TYMS: variants seen among roughly 807,000 people sequenced by gnomAD.
The protein encoded by TYMS is thymidylate synthase.
Under a neutral mutation model 39.3 loss-of-function variants are expected in TYMS, and 21 were observed. That is an observed-to-expected ratio of 0.54 (90% confidence interval 0.38 to 0.77). The LOEUF is 0.77. Among genes scored for constraint, TYMS ranks in the 30% least tolerant of loss-of-function variants. The pLI, the probability that TYMS is intolerant of heterozygous loss-of-function variation, is 0.00. For synonymous variants in TYMS, 171 were observed against 162.2 expected (o/e 1.05, Z -0.41); for missense variants, 273 against 406.7 (o/e 0.67, Z 2.83).
chr18:671,200 G>A, intron 5 of TYMS, 180 bp from the exon 6 acceptor site: 4 of 622,750 alleles, frequency 6.4e-6, no homozygotes, highest in Non-Finnish European at 1.1e-5. Context: ...TTGAGGTCTG[G>A]AGTTCAATAC....
At position 667,017 on chromosome 18, in the gene TYMS, AGATGGAGATGGT is replaced by A. The variant is rs1170118319; in HGVS notation, c.455-2037_455-2026del. Among the ~76,000 whole-genome samples the A allele has an allele frequency of 3.7e-3, 17 of 4,580 alleles. 2 individuals are homozygous for A. Among genetic ancestry groups the A allele is most frequent in the East Asian group, 0.016 (3 of 184 alleles). The allele number at this position is 4,580 out of a possible 152,430, so 3.0% of individuals were successfully genotyped here. A position where few individuals can be genotyped will look rare whatever the true frequency, so the allele number is the denominator to read the frequency against. ...GTGATGGAGATGGTGATGGTGATGG[AGATGGAGATGGT>A]GATGGAGATGGTGATGGTGATGGAG... On this transcript the variant is annotated intron_variant, in intron 3 of 6. Coordinates refer to ENST00000323274, the MANE Select transcript of TYMS (RefSeq NM_001071.4).
chr18:661,810 A>G (rs906088633), intron 2 of TYMS, among the ~76,000 whole-genome samples: 24 of 152,186 alleles, frequency 1.6e-4, no homozygotes, highest in Admixed American at 1.5e-3. Flanking sequence ...ACATGGAGAA[A>G]CACTGTCTCT....
intron 3 of TYMS, among the ~76,000 whole-genome samples, chr18:667,992 A>ATTTTTTTTTTTTTTTTTTTTTTTTTT (rs60409589): frequency 9.5e-6 from 1 of 105,388 alleles, no homozygotes; most frequent in African/African-American, 4.6e-5. Flanking sequence ...ATTCACAGGA[A>ATTTTTTTTTTTTTTTTTTTTTTTTTT]TTTTTTTTTT....
intron 4 of TYMS, 81 bp from the exon 5 acceptor site, chr18:670,611 T>G: frequency 6.6e-7 from 1 of 1,505,066 alleles, no homozygotes; most frequent in Non-Finnish European, 9.1e-7. Context: ...TTGGCTTCTG[T>G]TTCTCTCCTG....
chr18:657,706 G>A lies in TYMS; in HGVS notation c.-37G>A, dbSNP rs2074700740. On this transcript the variant is annotated 5_prime_UTR_variant, in exon 1 of 7. Transcript: ENST00000323274. ...ACTTGGCCTGCCTCCGTCCCGCCGC[G>A]CCACTTCGCCTGCCTCCGTCCCCCG... 5 of 1,188,416 alleles carry A rather than the reference G, an allele frequency of 4.2e-6. No individual in the cohort carries two copies. Among genetic ancestry groups the A allele is most frequent in the East Asian group, 3.5e-5 (1 of 28,266 alleles). 73.6% of individuals were successfully genotyped at this position (1,188,416 alleles called of 1,614,324 possible). A position where few individuals can be genotyped will look rare whatever the true frequency, so the allele number is the denominator to read the frequency against.
intron 3 of TYMS, among the ~76,000 whole-genome samples, chr18:663,920 C>G (rs1361206070): frequency 9.3e-6 from 1 of 107,568 alleles, no homozygotes; most frequent in Non-Finnish European, 1.8e-5. Context: ...GTTACTGTAG[C>G]CTTGTAGTAT....
chr18:666,680 G>C lies in TYMS; in HGVS notation c.455-2392G>C, dbSNP rs186199161. Among the ~76,000 whole-genome samples, 22 of 152,282 alleles carry C rather than the reference G, an allele frequency of 1.4e-4. No individual in the cohort carries two copies. The East Asian group carries it at 4.0e-3, about 28-fold the overall frequency. On this transcript the variant is annotated intron_variant, in intron 3 of 6. Coordinates refer to ENST00000323274, the MANE Select transcript of TYMS (RefSeq NM_001071.4). ...GTGATGTCAGAATTCTTCAATAAAA[G>C]CCTAAAATCTATATTTTATGTGCGG...
chr18:658,288 G>T lies in TYMS; in HGVS notation c.205+341G>T. On this transcript the variant is annotated intron_variant, in intron 1 of 6. Coordinates refer to ENST00000323274, the MANE Select transcript of TYMS (RefSeq NM_001071.4). The surrounding 1 kb of genome is among the most constrained non-coding windows in gnomAD (Gnocchi z 4.5). Reference sequence around the variant, plus strand: ...CAGTGCTGGAGGGTTAGGGAGAGCTGCCTGGGCTTGACCGCGCGCCGGTCT... The same window carrying T: ...CAGTGCTGGAGGGTTAGGGAGAGCTTCCTGGGCTTGACCGCGCGCCGGTCT... 1 of 1,415,074 alleles carries T rather than the reference G, an allele frequency of 7.1e-7. No homozygotes were observed. 87.7% of individuals were successfully genotyped at this position (1,415,074 alleles called of 1,614,324 possible).
chr18:668,006 T>TTTTTTTTTTTTC (rs1309936516), intron 3 of TYMS, among the ~76,000 whole-genome samples: 1 of 148,388 alleles, frequency 6.7e-6, no homozygotes, highest in Non-Finnish European at 1.5e-5. Flanking sequence ...TTTTTTTTTT[T>TTTTTTTTTTTTC]TTTTTAATGC....
intron 2 of TYMS, 43 bp downstream of exon 2, chr18:659,757 A>G: frequency 6.6e-7 from 1 of 1,522,904 alleles, no homozygotes; most frequent in Non-Finnish European, 9.1e-7. Flanking sequence ...TCTGTTCTCA[A>G]CACAGCAGCC....
At chr18:668,537 A>C (rs2074904476) in intron 3 of TYMS, among the ~76,000 whole-genome samples, 1 of 152,152 alleles carries the variant, frequency 6.6e-6, no homozygotes, top group Non-Finnish European at 1.5e-5. Flanking sequence ...CTAAACTCTA[A>C]AGTAATTTTA....
At position 673,257 on chromosome 18, in the gene TYMS, G is replaced by T. The variant is rs955556358; in HGVS notation, c.*260G>T. ...ATGAACAAAGTGAGGAGAATGAAAT[G>T]TATGTGCTCTTAGCAAAAACATGTA... On this transcript the variant is annotated 3_prime_UTR_variant, in exon 7 of 7. Transcript: ENST00000323274. 1 of 311,974 alleles carries T rather than the reference G, an allele frequency of 3.2e-6. No individual in the cohort carries two copies. The highest frequency in any genetic ancestry group is 5.8e-6 in the Non-Finnish European group (1 of 171,636). 19.3% of individuals were successfully genotyped at this position (311,974 alleles called of 1,614,324 possible). A position where few individuals can be genotyped will look rare whatever the true frequency, so the allele number is the denominator to read the frequency against.
At chr18:672,803 A>AGCAATTACAACAGGTCGT (rs2075129797) in intron 6 of TYMS, 57 bp from the exon 7 acceptor site, 1 of 1,510,742 alleles carries the variant, frequency 6.6e-7, no homozygotes, top group Non-Finnish European at 9.0e-7. Context: ...GGACATGAGG[A>AGCAATTACAACAGGTCGT]GCAATTACAA....
rs201810562 is a variant in TYMS, at chr18:664,312, T to C, written c.454+1992T>C. On this transcript the variant is annotated intron_variant, in intron 3 of 6. Coordinates refer to ENST00000323274, the MANE Select transcript of TYMS (RefSeq NM_001071.4). Reference sequence around the variant, plus strand: ...TGGAAGTTCACTCATGATTTGGCTCTCTGTTTGTCTGTTATTGGTGTATAA... The same window carrying C: ...TGGAAGTTCACTCATGATTTGGCTCCCTGTTTGTCTGTTATTGGTGTATAA... Among the ~76,000 whole-genome samples, 2,316 of 150,490 alleles carry C rather than the reference T, an allele frequency of 0.015. 151 individuals carry two copies. The East Asian group carries it at 0.23, about 15-fold the overall frequency.
chr18:672,246 C>T (rs1382353543), intron 6 of TYMS: 1 of 152,214 alleles, frequency 6.6e-6, no homozygotes, highest in Non-Finnish European at 1.5e-5. Context: ...GAACCAGACA[C>T]TTTTTAGCCC....
intron 4 of TYMS, 193 bp downstream of exon 4, chr18:669,366 ATTTTTT>A (rs68090938): frequency 7.9e-4 from 152 of 192,090 alleles, no homozygotes; most frequent in Middle Eastern, 6.2e-3. Context: ...GGCCCAGAGG[ATTTTTT>A]TTTTTTTTTT....
chr18:662,786 T>C (rs1177749923), intron 3 of TYMS, among the ~76,000 whole-genome samples: 3 of 151,140 alleles, frequency 2.0e-5, no homozygotes, highest in Non-Finnish European at 4.4e-5. Flanking sequence ...GTTCTTGCGA[T>C]AGTTTACTGA....
rs1482159340 is a variant in TYMS, at chr18:657,814, GCGTC to G, written c.75_78del (p.Pro26ArgfsTer41). The G allele has an allele frequency of 6.8e-7, 1 of 1,464,372 alleles. No individual in the cohort carries two copies. The highest frequency in any genetic ancestry group is 9.0e-7 in the Non-Finnish European group (1 of 1,115,674). The allele number at this position is 1,464,372 out of a possible 1,614,324, so 90.7% of individuals were successfully genotyped here. ...CCGCACAGGAGCGGGACGCCGAGCC[GCGTC>G]CGCCGCACGGGGAGCTGCAGTACCT... On this transcript the variant is annotated frameshift_variant, in exon 1 of 7. Transcript: ENST00000323274. LOFTEE classifies it high-confidence loss of function.
rs1567999338 is a variant in TYMS at position 673,454 on chromosome 18, A to G, written c.*457A>G. 1 of 211,386 alleles carries G rather than the reference A, an allele frequency of 4.7e-6. No homozygotes were observed. The highest frequency in any genetic ancestry group is 1.9e-4 in the South Asian group (1 of 5,284). 13.1% of individuals were successfully genotyped at this position (211,386 alleles called of 1,614,324 possible). On this transcript the variant is annotated 3_prime_UTR_variant, in exon 7 of 7. Coordinates refer to ENST00000323274, the MANE Select transcript of TYMS (RefSeq NM_001071.4). Reference sequence around the variant, plus strand: ...GTGTGGTTATGAACTTTAAAGTTATAGTTGTTTTATATGTTGCTATAATAA... The same window carrying G: ...GTGTGGTTATGAACTTTAAAGTTATGGTTGTTTTATATGTTGCTATAATAA...
Sources: allele counts gnomAD v4.1 joint callset (sites outside exome capture counted in the v4.1 genomes callset), GRCh38; gene constraint gnomAD v4.1.1; non-coding constraint Gnocchi (gnomAD v3.1); transcripts MANE v1.5; gene names NCBI Gene and HGNC (gene_info 2026-07-23, HGNC 2026-07-21).